The following DIAPH3 variants were observed in gnomAD, a reference collection of about 807,000 sequenced individuals.
DIAPH3 encodes diaphanous related formin 3.
In DIAPH3, 117 loss-of-function variants were observed where a neutral mutation model predicts 144.3. The observed-to-expected ratio is 0.81, with a 90% CI of 0.70 to 0.95. The LOEUF (loss-of-function observed/expected upper bound fraction) is 0.95, where lower values mean the gene tolerates loss of function less well. Ranked by LOEUF, DIAPH3 falls within the 40% of genes least tolerant of loss-of-function variation. DIAPH3 has a pLI of 0.00. For missense variants in DIAPH3, 1,421 were observed against 1,412.7 expected (o/e 1.01, Z -0.09); for synonymous variants, 519 against 488.9 (o/e 1.06, Z -0.81).
chr13:59,702,646 T>G (rs923228371), intron 27 of DIAPH3, among the ~76,000 whole-genome samples: 1 of 152,186 alleles, frequency 6.6e-6, no homozygotes, highest in Non-Finnish European at 1.5e-5. Flanking sequence ...AGCTAATATT[T>G]AAGCCTTGAG....
intron 27 of DIAPH3, among the ~76,000 whole-genome samples, chr13:59,693,624 A>G (rs1294531055): frequency 6.6e-6 from 1 of 152,190 alleles, no homozygotes; most frequent in Non-Finnish European, 1.5e-5. Context: ...ATCTTAGAAA[A>G]AAGTCACAAA....
intron 4 of DIAPH3, among the ~76,000 whole-genome samples, chr13:60,058,674 G>A (rs1395185646): frequency 6.6e-6 from 1 of 151,876 alleles, no homozygotes; most frequent in Non-Finnish European, 1.5e-5. Context: ...GTACACATGT[G>A]TATGTATATA....
At chr13:60,132,905 T>C (rs2138236380) in intron 2 of DIAPH3, 52 bp downstream of exon 2, 3 of 1,462,460 alleles carry the variant, frequency 2.1e-6, no homozygotes, top group Non-Finnish European at 2.9e-6. Flanking sequence ...ACCATCAACG[T>C]TATATGGTTA....
intron 17 of DIAPH3, among the ~76,000 whole-genome samples, chr13:59,941,921 C>T (rs1017624498): frequency 1.4e-4 from 21 of 152,110 alleles, no homozygotes; most frequent in Admixed American, 9.8e-4. Flanking sequence ...ATATAAAACA[C>T]GTATTTCTAT....
chr13:59,965,564 G>T (rs533311715), intron 17 of DIAPH3, among the ~76,000 whole-genome samples: 136 of 150,222 alleles, frequency 9.1e-4, no homozygotes, highest in Non-Finnish European at 1.2e-3. Flanking sequence ...AAATACATAG[G>T]TCATTAGCAT....
intron 20 of DIAPH3, among the ~76,000 whole-genome samples, chr13:59,882,530 A>C (rs905280991): frequency 1.3e-5 from 2 of 152,174 alleles, no homozygotes; most frequent in Non-Finnish European, 2.9e-5. Context: ...TTCTATCAAC[A>C]CTGGGGATTT....
chr13:59,687,205 T>C (rs1007310785), intron 27 of DIAPH3, among the ~76,000 whole-genome samples: 15 of 152,124 alleles, frequency 9.9e-5, no homozygotes, highest in African/African-American at 3.4e-4. Flanking sequence ...CCACAGCATC[T>C]GCTGATTACA....
intron 2 of DIAPH3, among the ~76,000 whole-genome samples, chr13:60,124,838 A>T (rs2138173656): frequency 6.6e-6 from 1 of 152,232 alleles, no homozygotes; most frequent in South Asian, 2.1e-4. Flanking sequence ...CTGTCTCAAA[A>T]AAAAAAAGGG....
intron 14 of DIAPH3, among the ~76,000 whole-genome samples, chr13:59,979,508 G>A (rs1286516168): frequency 6.6e-6 from 1 of 151,518 alleles, no homozygotes; most frequent in Non-Finnish European, 1.5e-5. Context: ...AGTCACTTCA[G>A]AGCAACAACA....
chr13:60,081,577 G>C lies in DIAPH3; in HGVS notation c.495+12051C>G, dbSNP rs532893977. 2.0e-5 allele frequency among the ~76,000 whole-genome samples: 3 copies of C among 152,062 alleles called. No individual in the cohort carries two copies. The East Asian group carries it at 5.8e-4, about 29-fold the overall frequency. On this transcript the variant is annotated intron_variant, in intron 4 of 27. Transcript: ENST00000400324. ...AACTCCCTGATCTCCCACAAAAAAA[G>C]ACAAAATAACTAAGTAGCAAAATCA...
chr13:60,110,173 T>C (rs1478448304), intron 3 of DIAPH3, among the ~76,000 whole-genome samples: 1 of 152,202 alleles, frequency 6.6e-6, no homozygotes, highest in Non-Finnish European at 1.5e-5. Context: ...ACAAAGTTGT[T>C]ACTTCATGTA....
intron 27 of DIAPH3, among the ~76,000 whole-genome samples, chr13:59,669,260 G>T (rs914307918): frequency 3.3e-5 from 5 of 152,164 alleles, no homozygotes; most frequent in Middle Eastern, 3.4e-3. Flanking sequence ...TTCTTTCCTG[G>T]TCTCACTTAG....
chr13:59,753,992 C>G (rs951372554), intron 27 of DIAPH3, among the ~76,000 whole-genome samples: 1 of 152,148 alleles, frequency 6.6e-6, no homozygotes, highest in Non-Finnish European at 1.5e-5. Context: ...CCAGCCTCCT[C>G]CTACTGGGAC....
intron 27 of DIAPH3, among the ~76,000 whole-genome samples, chr13:59,713,895 A>G (rs2034886864): frequency 6.6e-6 from 1 of 152,186 alleles, no homozygotes; most frequent in Non-Finnish European, 1.5e-5. Context: ...ACAGCCATGG[A>G]GAGCAAAAAG....
At chr13:59,943,336 A>G (rs748558358) in intron 17 of DIAPH3, among the ~76,000 whole-genome samples, 41 of 152,320 alleles carry the variant, frequency 2.7e-4, no homozygotes, top group Non-Finnish European at 4.7e-4. Flanking sequence ...ATTCAAGACA[A>G]GAAATCGGCT....
At chr13:59,792,738 G>C (rs747434748) in intron 25 of DIAPH3, among the ~76,000 whole-genome samples, 2 of 152,040 alleles carry the variant, frequency 1.3e-5, no homozygotes, top group Admixed American at 6.5e-5. Context: ...AGACTCTGTG[G>C]TGCATCACTT....
At chr13:59,938,592 G>C (rs937768365) in intron 17 of DIAPH3, among the ~76,000 whole-genome samples, 2 of 151,590 alleles carry the variant, frequency 1.3e-5, no homozygotes, top group African/African-American at 4.9e-5. Context: ...CTGGGCAACA[G>C]AGGCAGACCT....
chr13:60,113,440 C>A (rs931116570), intron 2 of DIAPH3, among the ~76,000 whole-genome samples: 1 of 152,080 alleles, frequency 6.6e-6, no homozygotes, highest in African/African-American at 2.4e-5. Context: ...TATTATCTTT[C>A]AAAATAGGTT....
At chr13:60,059,691 G>C (rs1205518457) in intron 4 of DIAPH3, among the ~76,000 whole-genome samples, 1 of 151,890 alleles carries the variant, frequency 6.6e-6, no homozygotes, top group Non-Finnish European at 1.5e-5. Flanking sequence ...GCTCAAAGTT[G>C]GGGGGTGGGG....
Sources: allele counts gnomAD v4.1 joint callset (sites outside exome capture counted in the v4.1 genomes callset), GRCh38; gene constraint gnomAD v4.1.1; transcripts MANE v1.5; gene names NCBI Gene and HGNC (gene_info 2026-07-23, HGNC 2026-07-21).